The following VPS13B variants were observed in gnomAD, a reference collection of about 807,000 sequenced individuals.
VPS13B encodes the protein intermembrane lipid transfer protein VPS13B.
VPS13B carries 285 observed loss-of-function variants against 426.4 expected under a neutral mutation model. The ratio of observed to expected loss-of-function variants is 0.67; its 90% CI spans 0.61 to 0.74. VPS13B has a LOEUF of 0.74. Ranked by LOEUF, VPS13B falls within the 30% of genes least tolerant of loss-of-function variation. The probability of loss-of-function intolerance (pLI) is 0.00; values close to 1 mark genes in which losing one functional copy is unlikely to be tolerated. For missense variants in VPS13B, 4,537 were observed against 4,782.6 expected, an observed-to-expected ratio of 0.95 and a Z score of 1.51; for synonymous variants, 1,676 against 1,676.4, an observed-to-expected ratio of 1.00 and a Z score of 0.01.
chr8:99,815,657 A>ATGTGTGTG (rs34093323), intron 44 of VPS13B, among the ~76,000 whole-genome samples: 1 of 151,730 alleles, frequency 6.6e-6, no homozygotes. Flanking sequence ...TATACTGTGT[A>ATGTGTGTG]TGTGTGTGTG....
intron 43 of VPS13B, among the ~76,000 whole-genome samples, chr8:99,803,275 T>G (rs1813223726): frequency 6.6e-6 from 1 of 152,158 alleles, no homozygotes; most frequent in African/African-American, 2.4e-5. Flanking sequence ...TTGTAAGAGG[T>G]TGTTTCATGC....
chr8:99,352,265 G>T (rs180983920), intron 19 of VPS13B, among the ~76,000 whole-genome samples: 1 of 152,262 alleles, frequency 6.6e-6, no homozygotes, highest in East Asian at 1.9e-4. Context: ...AATTTCTAAT[G>T]TATAGAGCCC....
rs1331762619 is a variant in VPS13B at position 99,877,313 on chromosome 8, GAGT to G, written c.*1649_*1651del. ...AGAAAAGTGACAGCTGTCAACCTCA[GAGT>G]AACTATTTCTAAAAATGTAAATATG... On this transcript the variant is annotated 3_prime_UTR_variant, in exon 62 of 62. Coordinates refer to ENST00000357162, the MANE Select transcript of VPS13B (RefSeq NM_152564.5). The G allele has an allele frequency of 5.2e-5, 8 of 152,582 alleles. No individual in the cohort carries two copies. The highest frequency in any genetic ancestry group is 1.9e-4 in the African/African-American group (8 of 41,432). The allele number at this position is 152,582 out of a possible 1,614,324, so 9.5% of individuals were successfully genotyped here. A position where few individuals can be genotyped will look rare whatever the true frequency, so the allele number is the denominator to read the frequency against.
At chr8:99,312,186 T>C (rs1487249067) in intron 19 of VPS13B, among the ~76,000 whole-genome samples, 1 of 152,198 alleles carries the variant, frequency 6.6e-6, no homozygotes. Flanking sequence ...TTAATATTGT[T>C]ATGTGTGAAT....
chr8:99,325,176 C>T (rs1810178112), intron 19 of VPS13B, among the ~76,000 whole-genome samples: 1 of 152,104 alleles, frequency 6.6e-6, no homozygotes, highest in Admixed American at 6.6e-5. Flanking sequence ...GGCTCAAACT[C>T]CTGGGTTCAA....
intron 8 of VPS13B, among the ~76,000 whole-genome samples, chr8:99,134,048 C>T (rs940141054): frequency 1.1e-4 from 16 of 152,108 alleles, no homozygotes; most frequent in Admixed American, 3.3e-4. Flanking sequence ...CAATGAGGTT[C>T]GCCCCTACTT....
chr8:99,644,944 A>G (rs768605914), intron 34 of VPS13B, among the ~76,000 whole-genome samples: 2 of 152,188 alleles, frequency 1.3e-5, no homozygotes, highest in African/African-American at 2.4e-5. Context: ...GAAATGTTCT[A>G]TCTTAGAGAT....
At chr8:99,764,735 T>G (rs980858025) in intron 39 of VPS13B, among the ~76,000 whole-genome samples, 13 of 152,088 alleles carry the variant, frequency 8.5e-5, no homozygotes, top group Admixed American at 2.6e-4. Context: ...CTTTATTCAT[T>G]TTAACAGTTG....
intron 33 of VPS13B, among the ~76,000 whole-genome samples, chr8:99,637,105 A>G (rs1829102600): frequency 6.6e-6 from 1 of 152,086 alleles, no homozygotes; most frequent in Non-Finnish European, 1.5e-5. Context: ...CCCTTGGACA[A>G]TAATAAAGCA....
chr8:99,144,164 G>T (rs566566959), intron 13 of VPS13B, among the ~76,000 whole-genome samples: 3 of 151,974 alleles, frequency 2.0e-5, no homozygotes, highest in Non-Finnish European at 2.9e-5. Flanking sequence ...CACCATGTCC[G>T]CCCTGGATCC....
At chr8:99,252,876 A>G (rs1817570485) in intron 17 of VPS13B, among the ~76,000 whole-genome samples, 1 of 152,162 alleles carries the variant, frequency 6.6e-6, no homozygotes, top group Admixed American at 6.5e-5. Context: ...TTTAAAGTAT[A>G]CAATTCAGGA....
chr8:99,371,137 C>T (rs1040742968), intron 19 of VPS13B, among the ~76,000 whole-genome samples: 1 of 152,102 alleles, frequency 6.6e-6, no homozygotes, highest in Non-Finnish European at 1.5e-5. Flanking sequence ...ATCACATATT[C>T]TTCACAAGTA....
At chr8:99,539,778 A>G (rs1353985929) in intron 30 of VPS13B, among the ~76,000 whole-genome samples, 1 of 151,718 alleles carries the variant, frequency 6.6e-6, no homozygotes, top group East Asian at 1.9e-4. Context: ...GTATTTAAAT[A>G]AATTGGTAAT....
At chr8:99,663,259 C>T (rs930021427) in intron 35 of VPS13B, among the ~76,000 whole-genome samples, 3 of 152,132 alleles carry the variant, frequency 2.0e-5, no homozygotes, top group Non-Finnish European at 2.9e-5. Context: ...AGACTGAAAC[C>T]ATCTCCACTG....
intron 2 of VPS13B, among the ~76,000 whole-genome samples, chr8:99,020,346 T>G (rs1250197567): frequency 6.6e-6 from 1 of 152,184 alleles, no homozygotes; most frequent in African/African-American, 2.4e-5. Context: ...TTTTTGTTGT[T>G]GTTGAGTTAT....
intron 16 of VPS13B, among the ~76,000 whole-genome samples, chr8:99,178,308 T>A (rs1321258279): frequency 1.2e-5 from 1 of 86,144 alleles, no homozygotes; most frequent in African/African-American, 4.4e-5. Flanking sequence ...CCCTCCCCCC[T>A]CCCCTTGAAA....
At chr8:99,582,778 C>T (rs1250103684) in intron 33 of VPS13B, among the ~76,000 whole-genome samples, 3 of 152,148 alleles carry the variant, frequency 2.0e-5, no homozygotes, top group Admixed American at 6.5e-5. Flanking sequence ...GCCTCAGCCT[C>T]CCGAGTAGCT....
At chr8:99,069,817 T>C (rs1488078298) in intron 3 of VPS13B, among the ~76,000 whole-genome samples, 2 of 152,248 alleles carry the variant, frequency 1.3e-5, no homozygotes, top group Admixed American at 6.5e-5. Flanking sequence ...CTTTTAAAAA[T>C]TCTAAATACA....
At chr8:99,046,313 G>A (rs1238170308) in intron 3 of VPS13B, among the ~76,000 whole-genome samples, 1 of 152,120 alleles carries the variant, frequency 6.6e-6, no homozygotes, top group African/African-American at 2.4e-5. Flanking sequence ...TAATGTAAAA[G>A]GGGTTGAGTT....
Sources: allele counts gnomAD v4.1 joint callset (sites outside exome capture counted in the v4.1 genomes callset), GRCh38; gene constraint gnomAD v4.1.1; transcripts MANE v1.5; gene names NCBI Gene and HGNC (gene_info 2026-07-23, HGNC 2026-07-21).